MACROD1: variants seen among roughly 807,000 people sequenced by gnomAD.
MACROD1 encodes the protein ADP-ribose glycohydrolase MACROD1.
In MACROD1, 31 loss-of-function variants were observed where a neutral mutation model predicts 41.4. That is an observed-to-expected ratio of 0.75 (90% CI 0.56 to 1.01). MACROD1 has a LOEUF of 1.01. Among genes scored for constraint, MACROD1 ranks in the 50% least tolerant of loss-of-function variants. The probability of loss-of-function intolerance (pLI) is 0.00; values close to 1 mark genes in which losing one functional copy is unlikely to be tolerated. For missense variants in MACROD1, 473 were observed against 460.0 expected (o/e 1.03, Z -0.26); for synonymous variants, 252 against 203.4 (o/e 1.24, Z -2.03).
chr11:64,113,834 G>A (rs1045132018), intron 3 of MACROD1, among the ~76,000 whole-genome samples: 12 of 150,376 alleles, frequency 8.0e-5, no homozygotes, highest in East Asian at 2.0e-4. Flanking sequence ...ATGGATGGAT[G>A]GATGGATGGA....
At chr11:64,093,341 C>T (rs756902531) in intron 3 of MACROD1, among the ~76,000 whole-genome samples, 6 of 152,214 alleles carry the variant, frequency 3.9e-5, no homozygotes, top group Admixed American at 3.3e-4. Flanking sequence ...CAGTCCTTAC[C>T]CGTAAGAGCT....
chr11:64,021,385 G>A (rs1441808301), intron 3 of MACROD1, among the ~76,000 whole-genome samples: 2 of 152,240 alleles, frequency 1.3e-5, no homozygotes, highest in Admixed American at 6.5e-5. Context: ...CCCTGACAGG[G>A]ACGAAATCCT....
intron 3 of MACROD1, among the ~76,000 whole-genome samples, chr11:64,133,815 C>G (rs1490541638): frequency 3.9e-5 from 6 of 152,236 alleles, no homozygotes; most frequent in Admixed American, 6.5e-5. Context: ...AGCCCCAGCA[C>G]CTGCTGCAGG....
chr11:64,010,108 GGTTGGCTGGGGT>G (rs1327469055), intron 4 of MACROD1, among the ~76,000 whole-genome samples: 9 of 95,026 alleles, frequency 9.5e-5, no homozygotes, highest in African/African-American at 3.6e-4. Context: ...TTGGTTGGGG[GGTTGGCTGGGGT>G]GTTGGTTGGG....
chr11:64,131,123 G>A (rs983906235), intron 3 of MACROD1, among the ~76,000 whole-genome samples: 4 of 152,208 alleles, frequency 2.6e-5, no homozygotes. Flanking sequence ...AGGTCCCTGT[G>A]CAGGGAGCTG....
At chr11:64,125,769 A>G (rs1439362520) in intron 3 of MACROD1, among the ~76,000 whole-genome samples, 3 of 152,212 alleles carry the variant, frequency 2.0e-5, no homozygotes, top group Non-Finnish European at 4.4e-5. Context: ...AGTGGATGAC[A>G]AGGGGGAGAG....
rs1590785738 is a variant in MACROD1, at chr11:63,999,578, A to C, written c.787-18T>G. ...GGGAACGCCTGGGCGGGGAGGGGTG[A>C]GAGGGGGTTGGAACATTGTCACTGC... On this transcript the variant is annotated intron_variant, in intron 6 of 10. Transcript: ENST00000255681. 2 of 1,610,154 alleles carry C rather than the reference A, an allele frequency of 1.2e-6. No homozygotes were observed. The highest frequency in any genetic ancestry group is 2.2e-5 in the South Asian group (2 of 90,462).
At chr11:64,105,056 T>C (rs1222301489) in intron 3 of MACROD1, among the ~76,000 whole-genome samples, 1 of 152,240 alleles carries the variant, frequency 6.6e-6, no homozygotes, top group Non-Finnish European at 1.5e-5. Context: ...GGGACATTCG[T>C]CAGCACGGCG....
At chr11:64,045,354 C>T (rs892522458) in intron 3 of MACROD1, among the ~76,000 whole-genome samples, 3 of 151,624 alleles carry the variant, frequency 2.0e-5, no homozygotes, top group African/African-American at 4.8e-5. Flanking sequence ...CATTGTTCCC[C>T]GAGTTATGCT....
At chr11:64,049,923 G>A (rs140844269) in intron 3 of MACROD1, among the ~76,000 whole-genome samples, 1 of 152,212 alleles carries the variant, frequency 6.6e-6, no homozygotes, top group Non-Finnish European at 1.5e-5. Flanking sequence ...GTGGCCCCGG[G>A]GGGGAGGCCA....
intron 3 of MACROD1, among the ~76,000 whole-genome samples, chr11:64,020,478 C>A (rs1412031849): frequency 2.0e-5 from 3 of 152,080 alleles, no homozygotes; most frequent in African/African-American, 7.2e-5. Flanking sequence ...AAGACTGGCT[C>A]CTTGCAGACC....
At chr11:64,085,635 T>A (rs1015610481) in intron 3 of MACROD1, among the ~76,000 whole-genome samples, 1 of 152,212 alleles carries the variant, frequency 6.6e-6, no homozygotes, top group Non-Finnish European at 1.5e-5. Flanking sequence ...CTGCCCCACA[T>A]GGCTGTGGGG....
intron 3 of MACROD1, among the ~76,000 whole-genome samples, chr11:64,130,114 C>G (rs952145556): frequency 4.6e-5 from 7 of 152,082 alleles, no homozygotes; most frequent in African/African-American, 1.7e-4. Context: ...TGCAGCCCCC[C>G]ACCGTGCCAC....
chr11:64,129,776 G>T (rs1945238977), intron 3 of MACROD1, among the ~76,000 whole-genome samples: 1 of 152,192 alleles, frequency 6.6e-6, no homozygotes, highest in Admixed American at 6.5e-5. Context: ...CTTCAGGATT[G>T]GGGGTGGGTG....
At chr11:64,006,648 C>T (rs900632540) in intron 4 of MACROD1, among the ~76,000 whole-genome samples, 3 of 152,224 alleles carry the variant, frequency 2.0e-5, no homozygotes, top group African/African-American at 7.2e-5. Context: ...TTGGTGGCAT[C>T]GTGCCTGCTG....
chr11:64,014,523 C>G (rs1464280357), intron 4 of MACROD1, among the ~76,000 whole-genome samples: 2 of 152,242 alleles, frequency 1.3e-5, no homozygotes, highest in Admixed American at 6.5e-5. Context: ...GCACATTAAC[C>G]CCTGGCCCCT....
intron 3 of MACROD1, chr11:64,138,668 A>C: frequency 1.5e-5 from 7 of 465,828 alleles, no homozygotes; most frequent in Non-Finnish European, 2.0e-5. Flanking sequence ...CGCAATTACA[A>C]TGTCCGAAGA....
intron 3 of MACROD1, among the ~76,000 whole-genome samples, chr11:64,039,815 T>C (rs998183758): frequency 6.6e-6 from 1 of 152,206 alleles, no homozygotes; most frequent in Non-Finnish European, 1.5e-5. Context: ...GGAGGTTGTT[T>C]GCTGGATTCC....
chr11:64,164,357 C>T (rs937060514), intron 1 of MACROD1, among the ~76,000 whole-genome samples: 5 of 152,258 alleles, frequency 3.3e-5, no homozygotes, highest in African/African-American at 1.2e-4. Context: ...GGGCTGGATC[C>T]TAAAAACAGC....
Sources: gnomAD v4.1 joint callset for allele counts (sites outside exome capture counted in the v4.1 genomes callset) on GRCh38, gnomAD v4.1.1 for gene constraint, MANE v1.5 for transcripts, NCBI Gene and HGNC (gene_info 2026-07-23, HGNC 2026-07-21) for gene names.